UTY: variants seen among roughly 807,000 people sequenced by gnomAD.
UTY encodes the protein histone demethylase UTY.
UTY carries 12 observed loss-of-function variants against 32.5 expected under a neutral mutation model. The ratio of observed to expected loss-of-function variants is 0.37; its 90% CI spans 0.24 to 0.60. The LOEUF (loss-of-function observed/expected upper bound fraction) is 0.60, where lower values mean the gene tolerates loss of function less well. Ranked by LOEUF, UTY falls within the 20% of genes least tolerant of loss-of-function variation. UTY has a pLI of 0.69. For missense variants in UTY, 303 were observed against 299.2 expected (o/e 1.01, Z -0.09); for synonymous variants, 131 against 103.4 (o/e 1.27, Z -1.62).
At chrY:13,343,486 G>T in intron 17 of UTY, among the ~76,000 whole-genome samples, 1 of 33,023 alleles carries the variant, frequency 3.0e-5, no homozygotes, top group Non-Finnish European at 7.5e-5. Flanking sequence ...GAAAGCCCCC[G>T]TTGTGTTGCC....
chrY:13,432,066 T>C, intron 4 of UTY, among the ~76,000 whole-genome samples: 3 of 33,428 alleles, frequency 9.0e-5, no homozygotes, highest in Admixed American at 8.1e-4. Context: ...TAAATATTAC[T>C]GAACTCAAAG....
chrY:13,311,089 A>C (rs376324049), intron 21 of UTY, among the ~76,000 whole-genome samples: 1,612 of 27,394 alleles, frequency 0.059, no homozygotes, highest in African/African-American at 0.14. Flanking sequence ...CTCCGTCCCC[A>C]AAAAAAAAAA....
intron 15 of UTY, among the ~76,000 whole-genome samples, chrY:13,356,397 C>T: frequency 3.3e-5 from 1 of 30,584 alleles, no homozygotes; most frequent in African/African-American, 1.3e-4. Context: ...CCTTGTGATC[C>T]GCCTGCCTTG....
chrY:13,445,362 A>AAC (rs2075650119), intron 4 of UTY, among the ~76,000 whole-genome samples: 1 of 25,920 alleles, frequency 3.9e-5, no homozygotes, highest in African/African-American at 1.5e-4. Context: ...GTGGAAATTA[A>AAC]ACACACATTT....
intron 21 of UTY, among the ~76,000 whole-genome samples, chrY:13,307,522 T>C: frequency 3.1e-5 from 1 of 32,379 alleles, no homozygotes. Flanking sequence ...GGTTAGGCAA[T>C]AGTTTCTTAG....
At chrY:13,269,087 A>G in intron 27 of UTY, among the ~76,000 whole-genome samples, 3 of 33,216 alleles carry the variant, frequency 9.0e-5, no homozygotes, top group Non-Finnish European at 2.2e-4. Context: ...TTCAGAGCCA[A>G]CTGGCAGGGA....
chrY:13,472,254 C>T (rs2078567383), intron 2 of UTY, among the ~76,000 whole-genome samples: 2 of 31,431 alleles, frequency 6.4e-5, no homozygotes, highest in Non-Finnish European at 1.5e-4. Context: ...AAAAAGTGGG[C>T]AAAGGACAAG....
At chrY:13,403,147 A>G in intron 6 of UTY, among the ~76,000 whole-genome samples, 1 of 33,264 alleles carries the variant, frequency 3.0e-5, no homozygotes, top group Non-Finnish European at 7.4e-5. Context: ...AATCTTGGAT[A>G]GTACTGAACC....
chrY:13,480,495 C>T, upstream of UTY: 1 of 33,296 alleles, frequency 3.0e-5, no homozygotes, highest in Non-Finnish European at 7.4e-5. Context: ...AGACTTTTGG[C>T]CCTAAGGCCT....
chrY:13,312,250 G>A (rs2148847332), intron 21 of UTY, among the ~76,000 whole-genome samples: 1 of 32,182 alleles, frequency 3.1e-5, no homozygotes, highest in African/African-American at 1.2e-4. Context: ...AAAATTAGCC[G>A]GGCGTGGTGG....
chrY:13,408,127 CAA>C (rs2070324357), intron 6 of UTY, among the ~76,000 whole-genome samples: 1 of 32,430 alleles, frequency 3.1e-5, no homozygotes, highest in Non-Finnish European at 7.7e-5. Flanking sequence ...AGGCTTTTCA[CAA>C]AGTTACTACT....
chrY:13,364,723 T>A (rs763124849), intron 10 of UTY, among the ~76,000 whole-genome samples: 2 of 33,670 alleles, frequency 5.9e-5, no homozygotes, highest in African/African-American at 2.3e-4. Context: ...AATCCATTGA[T>A]CTTTGCAACA....
At chrY:13,411,656 A>T in intron 5 of UTY, among the ~76,000 whole-genome samples, 1 of 31,849 alleles carries the variant, frequency 3.1e-5, no homozygotes, top group Non-Finnish European at 7.7e-5. Flanking sequence ...CTCCTAGCTA[A>T]TTTTTTTCAT....
At chrY:13,458,154 G>A (rs2150153271) in intron 3 of UTY, among the ~76,000 whole-genome samples, 1 of 33,935 alleles carries the variant, frequency 2.9e-5, no homozygotes, top group Admixed American at 2.7e-4. Flanking sequence ...TCTATAAAAA[G>A]TAAAAACATT....
chrY:13,445,729 A>G, intron 4 of UTY, among the ~76,000 whole-genome samples: 6 of 32,108 alleles, frequency 1.9e-4, no homozygotes, highest in African/African-American at 3.7e-4. Context: ...AACTTCCAGT[A>G]CTGTGTTATC....
intron 8 of UTY, among the ~76,000 whole-genome samples, chrY:13,378,143 A>T (rs920879591): frequency 5.9e-5 from 2 of 33,872 alleles, no homozygotes; most frequent in Non-Finnish European, 1.5e-4. Context: ...CGGAAGGTAA[A>T]AAGGCAAGGA....
intron 6 of UTY, among the ~76,000 whole-genome samples, chrY:13,397,769 C>T (rs2068414818): frequency 6.0e-5 from 2 of 33,374 alleles, no homozygotes; most frequent in Non-Finnish European, 1.5e-4. Context: ...CACTGTCTAC[C>T]GATAGAATAA....
At chrY:13,452,007 C>G in intron 3 of UTY, among the ~76,000 whole-genome samples, 1 of 33,728 alleles carries the variant, frequency 3.0e-5, no homozygotes. Flanking sequence ...AAAAGCCTAA[C>G]TCAGTAATCT....
intron 17 of UTY, among the ~76,000 whole-genome samples, chrY:13,343,708 G>C: frequency 3.0e-5 from 1 of 32,979 alleles, no homozygotes; most frequent in Admixed American, 2.7e-4. Flanking sequence ...ATACGGTGAG[G>C]CATTGAATCT....
Sources: allele counts gnomAD v4.1 joint callset (sites outside exome capture counted in the v4.1 genomes callset), GRCh38; gene constraint gnomAD v4.1.1; transcripts MANE v1.5; gene names NCBI Gene and HGNC (gene_info 2026-07-23, HGNC 2026-07-21).